Variants in NDUFB2 observed in about 807,000 individuals in gnomAD.
The protein encoded by NDUFB2 is NADH:ubiquinone oxidoreductase subunit B2, also known as NADH dehydrogenase [ubiquinone] 1 beta subcomplex subunit 2, mitochondrial.
NDUFB2 carries 13 observed loss-of-function variants against 13.4 expected under a neutral mutation model. That is an observed-to-expected ratio of 0.97 (90% CI 0.63 to 1.54). The LOEUF is 1.54. Among genes scored for constraint, NDUFB2 ranks in the 40% most tolerant of loss-of-function variants. The pLI, the probability that NDUFB2 is intolerant of heterozygous loss-of-function variation, is 0.00. For synonymous variants in NDUFB2, 47 were observed against 50.6 expected (o/e 0.93, Z 0.30); for missense variants, 150 against 139.7 (o/e 1.07, Z -0.37).
chr7:140,697,268 G>A, intron 1 of NDUFB2: 2 of 701,512 alleles, frequency 2.9e-6, no homozygotes, highest in South Asian at 1.5e-5. Flanking sequence ...GCCTGGCTGC[G>A]GAATTTAGGG....
chr7:140,701,771 A>AG (rs1563215117), intron 1 of NDUFB2: 1 of 222,246 alleles, frequency 4.5e-6, no homozygotes, highest in Non-Finnish European at 8.2e-6. Flanking sequence ...CGTCTCTACT[A>AG]AAAAAAAAAC....
At position 140,699,508 on chromosome 7, in the gene NDUFB2, A is replaced by G. The variant is rs138255856; in HGVS notation, c.98+2666A>G. Among the ~76,000 whole-genome samples the G allele has an allele frequency of 1.4e-3, 207 of 152,288 alleles. 1 individual carries two copies. Among genetic ancestry groups the G allele is most frequent in the African/African-American group, 4.8e-3 (200 of 41,550 alleles). On this transcript the variant is annotated intron_variant, in intron 1 of 3. Coordinates refer to ENST00000247866, the MANE Select transcript of NDUFB2 (RefSeq NM_004546.3). ...AAATCTACCTGAGGACTGGCTTCTG[A>G]TAACAAATTCTTGTTCCCTTGTCCA... is the stretch of plus-strand genomic sequence containing the variant.
At chr7:140,697,476 C>G in intron 1 of NDUFB2, 1 of 694,262 alleles carries the variant, frequency 1.4e-6, no homozygotes. Flanking sequence ...CGCGAGGTGG[C>G]CCGAGACGCA....
At chr7:140,706,060 T>TTTATGTTATGTTATGTTATGTTATG (rs71522109) in intron 3 of NDUFB2, 48 of 125,116 alleles carry the variant, frequency 3.8e-4, no homozygotes, top group South Asian at 1.3e-3. Flanking sequence ...TATGTTATGT[T>TTTATGTTATGTTATGTTATGTTATG]TTATGTTATG....
At chr7:140,697,318 G>A (rs1345281045) in intron 1 of NDUFB2, 1 of 702,926 alleles carries the variant, frequency 1.4e-6, no homozygotes, top group Admixed American at 2.0e-5. Context: ...GACGTCACGT[G>A]GCCGCTTTTT....
intron 2 of NDUFB2, 98 bp from the exon 3 acceptor site, chr7:140,704,762 G>GTTTTT: frequency 3.2e-6 from 2 of 633,346 alleles, no homozygotes; most frequent in Non-Finnish European, 4.9e-6. Flanking sequence ...GAGCCATATT[G>GTTTTT]TTTTTTTTTT....
At chr7:140,699,462 A>C (rs955011542) in intron 1 of NDUFB2, among the ~76,000 whole-genome samples, 2 of 152,192 alleles carry the variant, frequency 1.3e-5, no homozygotes, top group Non-Finnish European at 2.9e-5. Flanking sequence ...GGTCCAACGC[A>C]GGTAATGTGA....
intron 1 of NDUFB2, 135 bp downstream of exon 1, chr7:140,696,977 C>A: frequency 1.3e-6 from 1 of 788,114 alleles, no homozygotes; most frequent in Non-Finnish European, 2.0e-6. Context: ...GTCCGCGTGT[C>A]TCCTGAAGCC....
intron 3 of NDUFB2, among the ~76,000 whole-genome samples, chr7:140,705,926 G>T (rs993827721): frequency 1.3e-5 from 2 of 151,998 alleles, no homozygotes; most frequent in African/African-American, 4.8e-5. Flanking sequence ...TTTAAAAAGG[G>T]AGGTACTAAG....
intron 1 of NDUFB2, chr7:140,698,176 C>T (rs1249977425): frequency 7.4e-7 from 1 of 1,351,930 alleles, no homozygotes; most frequent in Non-Finnish European, 9.8e-7. Context: ...AGGCAAAGCC[C>T]TGTGTGACTT....
chr7:140,697,429 AG>A (rs1453649873), intron 1 of NDUFB2: 4 of 702,624 alleles, frequency 5.7e-6, no homozygotes, highest in Admixed American at 2.0e-5. Context: ...ACGCTGGGGC[AG>A]CCGTGGCGTT....
intron 1 of NDUFB2, chr7:140,698,037 G>A (rs766606128): frequency 1.5e-6 from 2 of 1,294,384 alleles, no homozygotes; most frequent in South Asian, 2.5e-5. Flanking sequence ...GCCTGCTAAG[G>A]ACCGTACAAG....
intron 2 of NDUFB2, among the ~76,000 whole-genome samples, chr7:140,704,482 C>G (rs888267556): frequency 6.6e-6 from 1 of 152,192 alleles, no homozygotes; most frequent in African/African-American, 2.4e-5. Flanking sequence ...GGAAGTCCAC[C>G]TGAGGCTTCT....
rs186447748 is a variant in NDUFB2 at position 140,705,874 on chromosome 7, G to A, written c.*30-689G>A. ...ACTCTTTAAACAGTAAAGGGTTATG[G>A]CTTTTTCATTTTCCAGGTCAGGAAG... On this transcript the variant is annotated intron_variant, in intron 3 of 3. Transcript: ENST00000247866. Among the ~76,000 whole-genome samples the A allele has an allele frequency of 7.7e-4, 117 of 152,210 alleles. 1 individual carries two copies. The highest frequency in any genetic ancestry group is 1.5e-3 in the Admixed American group (23 of 15,292).
chr7:140,706,067 TATGTTATG>T, intron 3 of NDUFB2: 2 of 149,160 alleles, frequency 1.3e-5, no homozygotes, highest in African/African-American at 4.9e-5. Flanking sequence ...TGTTTTATGT[TATGTTATG>T]TTATGTTATG....
rs557664551 is a variant in NDUFB2, at chr7:140,704,870, C to G, written c.254C>G (p.Pro85Arg). 3 of 1,593,472 alleles carry G rather than the reference C, an allele frequency of 1.9e-6. No homozygotes were observed. The highest frequency in any genetic ancestry group is 2.6e-6 in the Non-Finnish European group (3 of 1,171,044). Residue 85 changes from proline to arginine, a missense_variant, in exon 3 of 4, where the codon CCG (proline) becomes CGG (arginine). By Grantham distance (103) the Pro-to-Arg change is moderately radical. Transcript: ENST00000247866. ...HDSEEVLGHF[P>R]YPDPSQWTDE... ...AATGGTTGTCACCAGGGTCACTTTC[C>G]GTATCCTGATCCTTCCCAGTGGACA...
At chr7:140,698,771 G>C (rs1794854707) in intron 1 of NDUFB2, among the ~76,000 whole-genome samples, 1 of 152,086 alleles carries the variant, frequency 6.6e-6, no homozygotes, top group South Asian at 2.1e-4. Flanking sequence ...GATTAGAGGG[G>C]GCTTTGGAGG....
At chr7:140,705,744 G>A (rs867192404) in intron 3 of NDUFB2, 5 of 152,370 alleles carry the variant, frequency 3.3e-5, no homozygotes, top group Non-Finnish European at 7.3e-5. Flanking sequence ...GAACAGGACA[G>A]ATGGAGCTTA....
rs781745368 is a variant in NDUFB2, at chr7:140,702,868, C to T, written c.101C>T (p.Ala34Val). Residue 34 changes from alanine to valine, a missense_variant and splice_region_variant, in exon 2 of 4, where the codon GCC (alanine) becomes GTC (valine). Ala to Val is a moderately conservative substitution (Grantham distance 64). Coordinates refer to ENST00000247866, the MANE Select transcript of NDUFB2 (RefSeq NM_004546.3). ...TGCCATGTTGTTTTGTCTTGCAGTG[C>T]CGGTGGTGGTGTGCACATTGAGCCC... ...RTAGDGGVRHAGGGVHIEPRY... is the reference protein window; with the variant it reads ...RTAGDGGVRHVGGGVHIEPRY... 1.2e-6 allele frequency: 2 copies of T among 1,613,940 alleles called. No individual in the cohort carries two copies. The highest frequency in any genetic ancestry group is 2.2e-5 in the East Asian group (1 of 44,870).
Sources: gnomAD v4.1 joint callset for allele counts (sites outside exome capture counted in the v4.1 genomes callset) on GRCh38, gnomAD v4.1.1 for gene constraint, MANE v1.5 for transcripts, NCBI Gene and HGNC (gene_info 2026-07-23, HGNC 2026-07-21) for gene names.